The following ZNF385D variants were observed in gnomAD, a reference collection of about 807,000 sequenced individuals.
The protein encoded by ZNF385D is zinc finger protein 385D.
ZNF385D carries 15 observed loss-of-function variants against 35.8 expected under a neutral mutation model. The observed-to-expected ratio is 0.42, with a 90% CI of 0.28 to 0.64. The LOEUF is 0.64. ZNF385D is among the 30% of genes least tolerant of loss of function. ZNF385D has a pLI of 0.23. For missense variants in ZNF385D, 474 were observed against 494.6 expected, an observed-to-expected ratio of 0.96 and a Z score of 0.39; for synonymous variants, 212 against 186.8, an observed-to-expected ratio of 1.13 and a Z score of -1.10.
At chr3:21,530,027 G>A (rs2061887378) in intron 3 of ZNF385D, among the ~76,000 whole-genome samples, 1 of 152,042 alleles carries the variant, frequency 6.6e-6, no homozygotes, top group African/African-American at 2.4e-5. Flanking sequence ...CATCCCCTTG[G>A]TGAGGGTGAC....
intron 1 of ZNF385D, among the ~76,000 whole-genome samples, chr3:21,671,939 C>A (rs1258791678): frequency 2.0e-5 from 3 of 152,142 alleles, no homozygotes; most frequent in Non-Finnish European, 4.4e-5. Flanking sequence ...CAAAACCCCT[C>A]AAATTTACAT....
chr3:22,151,597 T>G, intron 3 of ZNF385D, among the ~76,000 whole-genome samples: 1 of 152,142 alleles, frequency 6.6e-6, no homozygotes, highest in East Asian at 1.9e-4. Context: ...GCAGAATTCC[T>G]TCTTGCTTGA....
At chr3:21,668,457 T>C (rs1559503616) in intron 1 of ZNF385D, among the ~76,000 whole-genome samples, 1 of 152,280 alleles carries the variant, frequency 6.6e-6, no homozygotes, top group East Asian at 1.9e-4. Flanking sequence ...CAAATGATGT[T>C]TCCATGAGCA....
intron 4 of ZNF385D, among the ~76,000 whole-genome samples, chr3:21,452,777 A>G (rs1702538843): frequency 6.6e-6 from 1 of 152,014 alleles, no homozygotes; most frequent in African/African-American, 2.4e-5. Context: ...AGATGGCAAT[A>G]CTATCTAAAT....
intron 3 of ZNF385D, among the ~76,000 whole-genome samples, chr3:21,896,951 T>C (rs1699170238): frequency 6.6e-6 from 1 of 152,154 alleles, no homozygotes; most frequent in Non-Finnish European, 1.5e-5. Context: ...ACTGGGATCA[T>C]TTTTCTGATG....
intron 3 of ZNF385D, among the ~76,000 whole-genome samples, chr3:22,163,464 G>A (rs543000404): frequency 7.6e-4 from 116 of 152,112 alleles, no homozygotes; most frequent in Middle Eastern, 3.4e-3. Flanking sequence ...GAGATGACAC[G>A]TAAATATGTA....
chr3:21,746,569 T>C (rs1480409496), intron 1 of ZNF385D, among the ~76,000 whole-genome samples: 1 of 152,210 alleles, frequency 6.6e-6, no homozygotes. Flanking sequence ...TTTAGATGTA[T>C]TTGTAATAAG....
At chr3:22,112,298 A>T (rs1219208922) in intron 3 of ZNF385D, among the ~76,000 whole-genome samples, 1 of 152,170 alleles carries the variant, frequency 6.6e-6, no homozygotes, top group Non-Finnish European at 1.5e-5. Context: ...GAAAAATTAA[A>T]ATAATGAATA....
intron 1 of ZNF385D, among the ~76,000 whole-genome samples, chr3:21,707,994 C>T (rs867062058): frequency 2.9e-4 from 44 of 152,072 alleles, no homozygotes; most frequent in East Asian, 9.7e-4. Flanking sequence ...TCCGGCACTA[C>T]GGGCATGTAG....
chr3:22,076,051 A>T (rs1335335542), intron 3 of ZNF385D, among the ~76,000 whole-genome samples: 1 of 151,964 alleles, frequency 6.6e-6, no homozygotes, highest in East Asian at 1.9e-4. Context: ...CCCATTACCA[A>T]CTGAGTCTAA....
chr3:21,995,356 A>G (rs938103149), intron 3 of ZNF385D, among the ~76,000 whole-genome samples: 1 of 152,200 alleles, frequency 6.6e-6, no homozygotes, highest in Non-Finnish European at 1.5e-5. Context: ...CTGGTGGGGC[A>G]GGGCTGTCCT....
intron 1 of ZNF385D, among the ~76,000 whole-genome samples, chr3:21,732,151 G>C (rs1278576405): frequency 6.9e-6 from 1 of 144,594 alleles, no homozygotes; most frequent in East Asian, 2.2e-4. Flanking sequence ...CCAGGTTCAA[G>C]TGATTCTCCT....
At chr3:21,775,877 T>A (rs556589645) in intron 3 of ZNF385D, among the ~76,000 whole-genome samples, 58 of 151,782 alleles carry the variant, frequency 3.8e-4, no homozygotes, top group African/African-American at 1.4e-3. Context: ...ATGCTCTTTT[T>A]TAAATATTAG....
chr3:22,229,453 G>C (rs906236882), intron 2 of ZNF385D, among the ~76,000 whole-genome samples: 1 of 152,156 alleles, frequency 6.6e-6, no homozygotes, highest in Non-Finnish European at 1.5e-5. Context: ...GGCACTCCAG[G>C]TTTTCAGCAT....
chr3:21,909,731 G>A (rs1304450258), intron 3 of ZNF385D, among the ~76,000 whole-genome samples: 1 of 151,930 alleles, frequency 6.6e-6, no homozygotes, highest in Non-Finnish European at 1.5e-5. Context: ...ACAAATTCCA[G>A]ACCTTTAACT....
chr3:22,275,014 A>C (rs2125368734), intron 2 of ZNF385D, among the ~76,000 whole-genome samples: 1 of 152,030 alleles, frequency 6.6e-6, no homozygotes, highest in African/African-American at 2.4e-5. Context: ...AATAAGACAA[A>C]CCCTGTGGAT....
At chr3:21,893,357 TAAC>T (rs1169727993) in intron 3 of ZNF385D, among the ~76,000 whole-genome samples, 19 of 152,110 alleles carry the variant, frequency 1.2e-4, no homozygotes, top group Non-Finnish European at 2.5e-4. Context: ...TAAAAAATAA[TAAC>T]AAACAAAAAA....
rs1701617335 is a variant in ZNF385D at position 21,943,215 on chromosome 3, T to TA, written c.325+225601dup. ...AAAAAAGGCATCTTGAAGAAATAAC[T>TA]AATTTATAAAAGCGACTAGTAAATA... On this transcript the variant is annotated intron_variant, in intron 3 of 5. Coordinates refer to the ZNF385D transcript ENST00000494108. Among the ~76,000 whole-genome samples, 3 of 151,964 alleles carry TA rather than the reference T, an allele frequency of 2.0e-5. No individual in the cohort carries two copies. In the South Asian group the frequency reaches 6.2e-4, roughly 31 times the overall value.
At chr3:21,439,979 T>C (rs562437148) in intron 4 of ZNF385D, among the ~76,000 whole-genome samples, 6 of 152,208 alleles carry the variant, frequency 3.9e-5, no homozygotes, top group African/African-American at 1.4e-4. Flanking sequence ...TAAAAAGTTA[T>C]ATTTTTTATC....
Sources: allele counts gnomAD v4.1 joint callset (sites outside exome capture counted in the v4.1 genomes callset), GRCh38; gene constraint gnomAD v4.1.1; transcripts MANE v1.5; gene names NCBI Gene and HGNC (gene_info 2026-07-23, HGNC 2026-07-21).